The following RYR1 variants were observed in gnomAD, a reference collection of about 807,000 sequenced individuals.
RYR1 encodes the protein central core disease of muscle.
A neutral mutation model predicts 583.5 loss-of-function variants in RYR1; 342 were observed. That is an observed-to-expected ratio of 0.59 (90% CI 0.54 to 0.64). The LOEUF is 0.64. Among genes scored for constraint, RYR1 ranks in the 30% least tolerant of loss-of-function variants. The probability of loss-of-function intolerance (pLI) is 0.00; values close to 1 mark genes in which losing one functional copy is unlikely to be tolerated. For missense variants in RYR1, 6,032 were observed against 6,917.2 expected, an observed-to-expected ratio of 0.87 and a Z score of 4.54; for synonymous variants, 2,791 against 2,822.5, an observed-to-expected ratio of 0.99 and a Z score of 0.35.
At chr19:38,522,636 G>A (rs1971271960) in intron 67 of RYR1, among the ~76,000 whole-genome samples, 1 of 151,188 alleles carries the variant, frequency 6.6e-6, no homozygotes, top group African/African-American at 2.4e-5. Flanking sequence ...GAGAGAGAGA[G>A]AGAATGGATC....
intron 83 of RYR1, among the ~76,000 whole-genome samples, chr19:38,537,329 T>C (rs1271660937): frequency 6.6e-6 from 1 of 152,182 alleles, no homozygotes; most frequent in Non-Finnish European, 1.5e-5. Flanking sequence ...TTCTTTCAGA[T>C]GCCCATTCTG....
In RYR1 at chr19:38,490,742, G is replaced by A; in HGVS notation, c.6127+10G>A. 1 of 1,567,300 alleles carries A rather than the reference G, an allele frequency of 6.4e-7. No individual in the cohort carries two copies. The highest frequency in any genetic ancestry group is 1.7e-4 in the Middle Eastern group (1 of 5,966). ...CTGCTGGCACACTGTGGTAAGGAGT[G>A]GGGATCAGAGAGTCCTCCCCATGCT... On this transcript the variant is annotated intron_variant, in intron 37 of 105. Coordinates refer to ENST00000359596, the MANE Select transcript of RYR1 (RefSeq NM_000540.3).
intron 31 of RYR1, among the ~76,000 whole-genome samples, chr19:38,480,912 G>C (rs1968977604): frequency 6.6e-6 from 1 of 151,926 alleles, no homozygotes; most frequent in Non-Finnish European, 1.5e-5. Context: ...ATTTTTAGTA[G>C]AGACGGGGTC....
At chr19:38,557,481 A>T (rs1415403579) in intron 89 of RYR1, among the ~76,000 whole-genome samples, 1 of 152,214 alleles carries the variant, frequency 6.6e-6, no homozygotes, top group Non-Finnish European at 1.5e-5. Context: ...GGCCTTCTGC[A>T]GGAGGGGACA....
At chr19:38,477,979 C>A in intron 30 of RYR1, 109 bp downstream of exon 30, 1 of 1,158,552 alleles carries the variant, frequency 8.6e-7, no homozygotes, top group Non-Finnish European at 1.3e-6. Context: ...TAGGAACTTT[C>A]TGGAGCGGGA....
In RYR1 at chr19:38,433,876, T is replaced by C; in HGVS notation, c.45+2T>C. On this transcript the variant is annotated splice_donor_variant, in intron 1 of 105. Coordinates refer to ENST00000359596, the MANE Select transcript of RYR1 (RefSeq NM_000540.3). LOFTEE classifies it high-confidence loss of function. The stretch of plus-strand genomic sequence containing the variant: ...GACGAGGTCCAGTTCCTGCGGACGG[T>C]GCGTATCTCTGGGTTAGGGGCCTGT... 1.2e-6 allele frequency: 2 copies of C among 1,612,324 alleles called. No individual in the cohort carries two copies. Among genetic ancestry groups the C allele is most frequent in the Non-Finnish European group, 8.5e-7 (1 of 1,179,222 alleles).
chr19:38,543,623 C>A lies in RYR1; in HGVS notation c.11870C>A (p.Ala3957Asp). 6.2e-7 allele frequency: 1 copy of A among 1,614,124 alleles called. No homozygotes were observed. Among genetic ancestry groups the A allele is most frequent in the Non-Finnish European group, 8.5e-7 (1 of 1,180,020 alleles). ...AACTTCTCCAAAGCCATGTCGGTGGCTAAGCAGGTGTTCAACAGCCTCACT... is the reference window on the plus strand; with the variant it reads ...AACTTCTCCAAAGCCATGTCGGTGGATAAGCAGGTGTTCAACAGCCTCACT... ...KRNFSKAMSV[A>D]KQVFNSLTEY... The change falls in exon 86 of 106, where the codon GCT becomes GAT. Residue 3957 changes from alanine to aspartate, a missense_variant. Coordinates refer to ENST00000359596, the MANE Select transcript of RYR1 (RefSeq NM_000540.3). This position sits in a 1 kb window ranked among gnomAD's most constrained non-coding sequence, Gnocchi z 4.4.
Position 38,512,249 on chromosome 19 carries a change from G to A in RYR1, c.9238G>A (p.Val3080Met), listed in dbSNP as rs1331265129. Residue 3080 changes from valine (V) to methionine (M), a missense_variant, in exon 63 of 106, where the codon GTG (valine) becomes ATG (methionine). Transcript: ENST00000359596. The surrounding 1 kb of genome is among the most constrained non-coding windows in gnomAD (Gnocchi z 5.1). ...ILARSLDARTVMKSGPEIVKA... is the reference protein window; with the variant it reads ...ILARSLDARTMMKSGPEIVKA... ...GTTCCCCCGCTGCCCTTCTAGGACA[G>A]TGATGAAGTCAGGCCCTGAGATCGT... The A allele has an allele frequency of 1.9e-6, 3 of 1,614,146 alleles. No homozygotes were observed. The highest frequency in any genetic ancestry group is 2.5e-6 in the Non-Finnish European group (3 of 1,180,054).
chr19:38,548,239 T>G lies in RYR1; in HGVS notation c.12101T>G (p.Val4034Gly). The change falls in exon 89 of 106, where the codon GTG becomes GGG. Residue 4034 changes from valine (V) to glycine (G), a missense_variant. This residue lies in a region of RYR1 where 82 missense variants were observed against 139.7 expected (regional missense o/e 0.59). Transcript: ENST00000359596. The part of the protein sequence containing the change: ...VMLLSLLEGN[V>G]VNGMIARQMV... The stretch of plus-strand genomic sequence containing the variant: ...GACCTGGGGCTGCCTGCAGGGAACG[T>G]GGTGAACGGCATGATCGCCCGGCAG... 1 of 1,614,102 alleles carries G rather than the reference T, an allele frequency of 6.2e-7. No individual in the cohort carries two copies. Among genetic ancestry groups the G allele is most frequent in the African/African-American group, 1.3e-5 (1 of 75,046 alleles).
intron 47 of RYR1, among the ~76,000 whole-genome samples, chr19:38,501,380 C>T (rs942176058): frequency 1.3e-5 from 2 of 152,154 alleles, no homozygotes; most frequent in African/African-American, 4.8e-5. Flanking sequence ...CACTTGTAAT[C>T]CCAGCTACTC....
chr19:38,453,292 G>C (rs1437801741), intron 13 of RYR1, among the ~76,000 whole-genome samples: 4 of 151,532 alleles, frequency 2.6e-5, no homozygotes, highest in African/African-American at 9.7e-5. Flanking sequence ...CTGGAGAGAA[G>C]GATGGAATAA....
At chr19:38,438,688 G>A (rs139890074) in intron 1 of RYR1, among the ~76,000 whole-genome samples, 16 of 131,328 alleles carry the variant, frequency 1.2e-4, no homozygotes, top group African/African-American at 4.7e-4. Flanking sequence ...GTGCGATCTC[G>A]GCTCACTACA....
At chr19:38,522,843 G>A (rs1040339048) in intron 67 of RYR1, among the ~76,000 whole-genome samples, 185 bp from the exon 68 acceptor site, 3 of 150,434 alleles carry the variant, frequency 2.0e-5, no homozygotes, top group South Asian at 2.2e-4. Flanking sequence ...CCAGCTACTC[G>A]GGAGGCTGAG....
chr19:38,519,487 G>T (rs748665322), intron 67 of RYR1, 33 bp downstream of exon 67: 2 of 1,570,068 alleles, frequency 1.3e-6, no homozygotes, highest in Non-Finnish European at 1.7e-6. Context: ...CATGCCCTCC[G>T]CCCCGACCTC....
intron 89 of RYR1, among the ~76,000 whole-genome samples, chr19:38,548,889 G>C (rs1194816808): frequency 6.6e-6 from 1 of 152,120 alleles, no homozygotes; most frequent in South Asian, 2.1e-4. Context: ...GCCCCCTTGG[G>C]TTATTTTGAG....
chr19:38,510,658 A>G lies in RYR1; in HGVS notation c.9001-2A>G, dbSNP rs774119942. Reference sequence around the variant, plus strand: ...CCTTTATCTCCCCCAACCCGTCTCCAGATCCTGCTCCCTTTGATCAACCAG... The same window carrying G: ...CCTTTATCTCCCCCAACCCGTCTCCGGATCCTGCTCCCTTTGATCAACCAG... On this transcript the variant is annotated splice_acceptor_variant, in intron 59 of 105. Coordinates refer to ENST00000359596, the MANE Select transcript of RYR1 (RefSeq NM_000540.3). LOFTEE classifies it high-confidence loss of function. 2.5e-6 allele frequency: 4 copies of G among 1,613,336 alleles called. No homozygotes were observed. The highest frequency in any genetic ancestry group is 3.4e-6 in the Non-Finnish European group (4 of 1,179,874).
In RYR1 at chr19:38,543,498, C is replaced by T; in HGVS notation, c.11779-34C>T. ...GGGGCTGCAGGGCCATGGTCGGCCC[C>T]AGCACCCCCTCACACCCTACCCGCC... On this transcript the variant is annotated intron_variant, in intron 85 of 105. Transcript: ENST00000359596. This position sits in a 1 kb window ranked among gnomAD's most constrained non-coding sequence, Gnocchi z 4.4. 6.2e-7 allele frequency: 1 copy of T among 1,614,200 alleles called. No homozygotes were observed. Among genetic ancestry groups the T allele is most frequent in the Non-Finnish European group, 8.5e-7 (1 of 1,180,024 alleles).
rs913061393 is a variant in RYR1, at chr19:38,440,757, G to A, written c.58G>A (p.Val20Ile). The change falls in exon 2 of 106, where the codon GTC becomes ATC. Residue 20 changes from valine to isoleucine, a missense_variant. Physicochemically the swap from Val to Ile is conservative, Grantham distance 29. Coordinates refer to ENST00000359596, the MANE Select transcript of RYR1 (RefSeq NM_000540.3). ...CTCGGTTCCGCAGGACGATGAGGTG[G>A]TCCTGCAGTGCAGCGCTACCGTGCT... ...VQFLRTDDEV[V>I]LQCSATVLKE... is the part of the protein sequence containing the mutation. 2 of 1,607,680 alleles carry A rather than the reference G, an allele frequency of 1.2e-6. No homozygotes were observed. The highest frequency in any genetic ancestry group is 1.7e-6 in the Non-Finnish European group (2 of 1,177,432).
In RYR1 at chr19:38,496,744, G is replaced by T. The variant is rs1460816450; in HGVS notation, c.6797-116G>T. 1 of 1,174,022 alleles carries T rather than the reference G, an allele frequency of 8.5e-7. No individual in the cohort carries two copies. Among genetic ancestry groups the T allele is most frequent in the Admixed American group, 1.8e-5 (1 of 55,548 alleles). 72.7% of individuals were successfully genotyped at this position (1,174,022 alleles called of 1,614,324 possible). ...AGTGGTCAGAGCTTGGATGAGGGAA[G>T]TACAGACCAGAGGAGGCACCTGATC... On this transcript the variant is annotated intron_variant, in intron 41 of 105. Coordinates refer to ENST00000359596, the MANE Select transcript of RYR1 (RefSeq NM_000540.3). This position sits in a 1 kb window ranked among gnomAD's most constrained non-coding sequence, Gnocchi z 4.8.
Sources: allele counts gnomAD v4.1 joint callset (sites outside exome capture counted in the v4.1 genomes callset), GRCh38; gene constraint gnomAD v4.1.1; regional missense constraint gnomAD v4.1.1; non-coding constraint Gnocchi (gnomAD v3.1); transcripts MANE v1.5; gene names NCBI Gene and HGNC (gene_info 2026-07-23, HGNC 2026-07-21).